CFAP61: variants seen among roughly 807,000 people sequenced by gnomAD.
CFAP61 encodes cilia and flagella associated protein 61, also known as cilia- and flagella-associated protein 61.
In CFAP61, 107 loss-of-function variants were observed where a neutral mutation model predicts 135.6. The observed-to-expected ratio is 0.79, with a 90% confidence interval of 0.67 to 0.93. The LOEUF is 0.93. Among genes scored for constraint, CFAP61 ranks in the 40% least tolerant of loss-of-function variants. CFAP61 has a pLI of 0.00. For synonymous variants in CFAP61, 575 were observed against 578.5 expected, an observed-to-expected ratio of 0.99 and a Z score of 0.09; for missense variants, 1,507 against 1,556.2, an observed-to-expected ratio of 0.97 and a Z score of 0.53.
chr20:20,304,887 C>G (rs111306052), intron 25 of CFAP61, among the ~76,000 whole-genome samples: 3 of 152,250 alleles, frequency 2.0e-5, no homozygotes, highest in African/African-American at 7.2e-5. Flanking sequence ...TTCACCCCCA[C>G]TTATCGATGA....
intron 21 of CFAP61, chr20:20,265,388 C>A: frequency 1.3e-6 from 1 of 779,714 alleles, no homozygotes; most frequent in South Asian, 1.3e-5. Context: ...CTTTCATGTG[C>A]CTTTGTATTG....
At chr20:20,136,141 T>C (rs1361781700) in intron 8 of CFAP61, among the ~76,000 whole-genome samples, 1 of 152,202 alleles carries the variant, frequency 6.6e-6, no homozygotes, top group Non-Finnish European at 1.5e-5. Context: ...TGTTTTTTTT[T>C]CTCTTGCTGC....
At chr20:20,159,116 A>T (rs6046673) in intron 9 of CFAP61, among the ~76,000 whole-genome samples, 1 of 152,152 alleles carries the variant, frequency 6.6e-6, no homozygotes, top group South Asian at 2.1e-4. Flanking sequence ...ATCAGGAGGC[A>T]CCTGCACTAT....
rs146792200 is a variant in CFAP61, at chr20:20,319,865, G to A, written c.3422+21479G>A. Among the ~76,000 whole-genome samples, 13 of 152,238 alleles carry A rather than the reference G, an allele frequency of 8.5e-5. 1 individual carries two copies. The East Asian group carries it at 2.5e-3, about 29-fold the overall frequency. ...TCATGGACATGGGTATGGAGCATCAGTGGCTGCTGATATAGAAAAGGAGGC... is the reference window on the plus strand; with the variant it reads ...TCATGGACATGGGTATGGAGCATCAATGGCTGCTGATATAGAAAAGGAGGC... On this transcript the variant is annotated intron_variant, in intron 25 of 26. Coordinates refer to ENST00000245957, the MANE Select transcript of CFAP61 (RefSeq NM_015585.4).
At chr20:20,168,086 A>G (rs1022095707) in intron 12 of CFAP61, among the ~76,000 whole-genome samples, 15 of 152,204 alleles carry the variant, frequency 9.9e-5, no homozygotes, top group African/African-American at 2.2e-4. Flanking sequence ...AATATGCCCA[A>G]TCCTTTTTTT....
chr20:20,281,734 TC>T (rs1162714127), intron 22 of CFAP61, among the ~76,000 whole-genome samples: 1 of 152,226 alleles, frequency 6.6e-6, no homozygotes, highest in Non-Finnish European at 1.5e-5. Context: ...TTCAGTAATG[TC>T]CTTGTAAGGT....
intron 25 of CFAP61, among the ~76,000 whole-genome samples, chr20:20,305,687 G>C (rs116475021): frequency 6.6e-6 from 1 of 152,180 alleles, no homozygotes; most frequent in Non-Finnish European, 1.5e-5. Context: ...AGTCCTGTGC[G>C]ACCAGCCTCG....
chr20:20,304,913 G>A (rs957750247), intron 25 of CFAP61, among the ~76,000 whole-genome samples: 4 of 152,088 alleles, frequency 2.6e-5, no homozygotes, highest in Non-Finnish European at 4.4e-5. Context: ...CAAAAGAGAG[G>A]TCTCGCCTAC....
intron 26 of CFAP61, among the ~76,000 whole-genome samples, chr20:20,342,627 G>T (rs546324420): frequency 6.6e-6 from 1 of 152,136 alleles, no homozygotes; most frequent in African/African-American, 2.4e-5. Flanking sequence ...CTTCTACCTC[G>T]TGTTACCGTC....
At chr20:20,134,142 G>C (rs925887198) in intron 8 of CFAP61, among the ~76,000 whole-genome samples, 1 of 152,216 alleles carries the variant, frequency 6.6e-6, no homozygotes, top group African/African-American at 2.4e-5. Flanking sequence ...GGTGGGACCA[G>C]AGCAGAATTA....
chr20:20,144,135 C>T (rs1363360311), intron 9 of CFAP61, among the ~76,000 whole-genome samples: 1 of 152,104 alleles, frequency 6.6e-6, no homozygotes, highest in Non-Finnish European at 1.5e-5. Context: ...AAGTACAAGA[C>T]TATCTGTAGG....
At chr20:20,061,737 A>T (rs1248385762) in intron 2 of CFAP61, among the ~76,000 whole-genome samples, 1 of 152,180 alleles carries the variant, frequency 6.6e-6, no homozygotes, top group Non-Finnish European at 1.5e-5. Context: ...TTTTTGTGCC[A>T]TTCTCCCTGC....
chr20:20,315,934 A>T (rs919519762), intron 25 of CFAP61, among the ~76,000 whole-genome samples: 35 of 152,174 alleles, frequency 2.3e-4, no homozygotes, highest in African/African-American at 8.2e-4. Context: ...TGTTTTGGTT[A>T]CTGTAGCCTT....
intron 2 of CFAP61, among the ~76,000 whole-genome samples, chr20:20,068,731 A>T (rs536645244): frequency 1.3e-5 from 2 of 152,110 alleles, no homozygotes; most frequent in Admixed American, 1.3e-4. Flanking sequence ...TAAATGTTAC[A>T]TCTTTATAGT....
chr20:20,173,758 C>G (rs2054399590), intron 13 of CFAP61, among the ~76,000 whole-genome samples: 2 of 151,062 alleles, frequency 1.3e-5, no homozygotes, highest in South Asian at 4.2e-4. Flanking sequence ...TTCCTAAATG[C>G]ATTGGTGACT....
chr20:20,068,977 T>A (rs1306599583), intron 2 of CFAP61, among the ~76,000 whole-genome samples: 1 of 152,218 alleles, frequency 6.6e-6, no homozygotes, highest in Non-Finnish European at 1.5e-5. Context: ...ACTCTTGACC[T>A]TGTGATCCGC....
intron 25 of CFAP61, among the ~76,000 whole-genome samples, chr20:20,333,916 G>C (rs1479850223): frequency 6.6e-6 from 1 of 152,146 alleles, no homozygotes; most frequent in South Asian, 2.1e-4. Context: ...GGAGGTCGTG[G>C]GGCCTGTGGG....
intron 8 of CFAP61, among the ~76,000 whole-genome samples, chr20:20,126,561 A>G (rs6081883): frequency 0.19 from 29,469 of 151,766 alleles, 3,277 homozygotes; most frequent in Non-Finnish European, 0.24. Flanking sequence ...CTTCTAGCTT[A>G]TAGGGTTTCT....
At chr20:20,147,288 G>A (rs752017897) in intron 9 of CFAP61, among the ~76,000 whole-genome samples, 1 of 152,154 alleles carries the variant, frequency 6.6e-6, no homozygotes, top group African/African-American at 2.4e-5. Context: ...GGATCAAATG[G>A]TAGTTCTACT....
Sources: gnomAD v4.1 joint callset for allele counts (sites outside exome capture counted in the v4.1 genomes callset) on GRCh38, gnomAD v4.1.1 for gene constraint, MANE v1.5 for transcripts, NCBI Gene and HGNC (gene_info 2026-07-23, HGNC 2026-07-21) for gene names.